The following SETX variants were observed in gnomAD, a reference collection of about 807,000 sequenced individuals.
The protein encoded by SETX is helicase senataxin.
SETX carries 90 observed loss-of-function variants against 227.2 expected under a neutral mutation model. That is an observed-to-expected ratio of 0.40 (90% CI 0.33 to 0.47). The LOEUF is 0.47. Among genes scored for constraint, SETX ranks in the 20% least tolerant of loss-of-function variants. SETX has a pLI of 0.91. For synonymous variants in SETX, 1,210 were observed against 1,113.2 expected (o/e 1.09, Z -1.73); for missense variants, 3,052 against 3,181.5 (o/e 0.96, Z 0.98).
At chr9:132,330,704 T>C (rs554527379) in intron 9 of SETX, among the ~76,000 whole-genome samples, 4 of 152,212 alleles carry the variant, frequency 2.6e-5, no homozygotes, top group Admixed American at 1.3e-4. Context: ...AAAATATAAA[T>C]TGAATTTTGA....
chr9:132,297,066 A>T lies in SETX; in HGVS notation c.5782-12T>A. The T allele has an allele frequency of 6.2e-7, 1 of 1,603,958 alleles. No homozygotes were observed. The highest frequency in any genetic ancestry group is 8.5e-7 in the Non-Finnish European group (1 of 1,173,706). On this transcript the variant is annotated splice_polypyrimidine_tract_variant and intron_variant, in intron 13 of 25. Coordinates refer to ENST00000224140, the MANE Select transcript of SETX (RefSeq NM_015046.7). ...CTTAAGTACGCAATCTATATAAAAA[A>T]CACATTTTTGAGAATGAGTTGCTGT...
intron 9 of SETX, 119 bp downstream of exon 9, chr9:132,330,933 T>A (rs1045860117): frequency 1.3e-6 from 1 of 796,926 alleles, no homozygotes; most frequent in Non-Finnish European, 2.2e-6. Context: ...GGCTTTTACA[T>A]AGCAGTAGAT....
At chr9:132,277,927 T>C (rs990879516) in intron 21 of SETX, 143 bp downstream of exon 21, 11 of 781,478 alleles carry the variant, frequency 1.4e-5, no homozygotes, top group African/African-American at 1.2e-4. Context: ...TTCAACATGA[T>C]GGCTATTATA....
At position 132,275,437 on chromosome 9, in the gene SETX, A is replaced by G; in HGVS notation, c.6936-17T>C. The G allele has an allele frequency of 6.3e-7, 1 of 1,587,768 alleles. No individual in the cohort carries two copies. Among genetic ancestry groups the G allele is most frequent in the Non-Finnish European group, 8.6e-7 (1 of 1,158,910 alleles). ...ATATATGAGCTAAACAAGATGGAAA[A>G]AGAAAACACAGTGTTATCAAAACTA... On this transcript the variant is annotated splice_polypyrimidine_tract_variant and intron_variant, in intron 22 of 25. Coordinates refer to ENST00000224140, the MANE Select transcript of SETX (RefSeq NM_015046.7).
intron 11 of SETX, among the ~76,000 whole-genome samples, chr9:132,305,757 T>C (rs1845298291): frequency 6.6e-6 from 1 of 152,224 alleles, no homozygotes; most frequent in Non-Finnish European, 1.5e-5. Flanking sequence ...CTAAGTGTCC[T>C]AGACTGAAGG....
intron 4 of SETX, among the ~76,000 whole-genome samples, chr9:132,344,927 C>T (rs908986656): frequency 3.3e-5 from 5 of 149,726 alleles, no homozygotes; most frequent in African/African-American, 1.2e-4. Context: ...AATGCCTTTA[C>T]TTTCAAGAGA....
chr9:132,296,825 A>T, intron 14 of SETX, 62 bp downstream of exon 14: 1 of 1,442,848 alleles, frequency 6.9e-7, no homozygotes, highest in Non-Finnish European at 9.8e-7. Context: ...CATGTCAGTT[A>T]ACTCAAGTAA....
At chr9:132,274,241 A>G (rs929241971) in intron 23 of SETX, among the ~76,000 whole-genome samples, 2 of 152,176 alleles carry the variant, frequency 1.3e-5, no homozygotes, top group African/African-American at 4.8e-5. Flanking sequence ...TTTTCTTGTG[A>G]TACTTTCCCT....
Position 132,328,558 on chromosome 9 carries a change from T to C in SETX, c.3040A>G (p.Ile1014Val), listed in dbSNP as rs761243379. Residue 1014 changes from isoleucine (I) to valine (V), a missense_variant, in exon 10 of 26, where the codon ATT becomes GTT. By Grantham distance (29) the Ile-to-Val change is conservative (BLOSUM62 3). Transcript: ENST00000224140. Reference sequence around the variant, plus strand: ...TCATCATCAGAATCTGAAATAATAATAACCTGTCCACGGGAGGTATCTCCA... The same window carrying C: ...TCATCATCAGAATCTGAAATAATAACAACCTGTCCACGGGAGGTATCTCCA... ...NVGDTSRGQV[I>V]IISDSDDDDD... 1.6e-5 allele frequency: 26 copies of C among 1,613,956 alleles called. No homozygotes were observed. Among genetic ancestry groups the C allele is most frequent in the South Asian group, 4.4e-5 (4 of 91,060 alleles).
chr9:132,282,866 C>G (rs890673937), intron 19 of SETX: 14 of 244,540 alleles, frequency 5.7e-5, no homozygotes, highest in African/African-American at 2.0e-4. Flanking sequence ...TTCTGACAAA[C>G]AGTACGTACC....
chr9:132,351,576 T>C (rs924093495), intron 2 of SETX, among the ~76,000 whole-genome samples: 1 of 152,192 alleles, frequency 6.6e-6, no homozygotes, highest in African/African-American at 2.4e-5. Context: ...CGGAGAATAC[T>C]GCTGCAGAGC....
intron 18 of SETX, among the ~76,000 whole-genome samples, chr9:132,284,526 T>C (rs1051973612): frequency 2.6e-5 from 4 of 152,210 alleles, no homozygotes; most frequent in African/African-American, 9.7e-5. Context: ...GTGGTTTGAT[T>C]AGGGCTGCAT....
Position 132,349,087 on chromosome 9 carries a change from G to A in SETX, c.177+165C>T, listed in dbSNP as rs557232344. The stretch of plus-strand genomic sequence containing the variant: ...TGCACTCCAGCCTGAGTGACAGAGT[G>A]AGACTCCATCTCTAACAACAACAAA... On this transcript the variant is annotated intron_variant, in intron 3 of 25. Coordinates refer to ENST00000224140, the MANE Select transcript of SETX (RefSeq NM_015046.7). 6.6e-5 allele frequency among the ~76,000 whole-genome samples: 10 copies of A among 151,408 alleles called. No individual in the cohort carries two copies. The South Asian group carries it at 1.9e-3, about 28-fold the overall frequency.
intron 15 of SETX, among the ~76,000 whole-genome samples, chr9:132,290,239 C>T (rs951250044): frequency 4.1e-5 from 6 of 146,642 alleles, no homozygotes; most frequent in East Asian, 2.3e-4. Context: ...CACCTTTATT[C>T]GTCTTTATTT....
At chr9:132,308,615 A>AT (rs1845468173) in intron 11 of SETX, among the ~76,000 whole-genome samples, 1 of 152,164 alleles carries the variant, frequency 6.6e-6, no homozygotes, top group South Asian at 2.1e-4. Flanking sequence ...TTAAGCTCTT[A>AT]TTTTTTAGAG....
At chr9:132,270,417 A>T (rs10793909) in intron 24 of SETX, among the ~76,000 whole-genome samples, 1 of 146,984 alleles carries the variant, frequency 6.8e-6, no homozygotes, top group Non-Finnish European at 1.5e-5. Flanking sequence ...GACACAGGTG[A>T]ACTCTAGAAT....
At chr9:132,315,396 A>T (rs1439977567) in intron 10 of SETX, among the ~76,000 whole-genome samples, 1 of 152,180 alleles carries the variant, frequency 6.6e-6, no homozygotes, top group Admixed American at 6.6e-5. Context: ...ACAAAAGTCT[A>T]AGGCAAACTC....
In SETX at chr9:132,294,034, A is replaced by G. The variant is rs555587116; in HGVS notation, c.6106+1838T>C. 6.6e-5 allele frequency among the ~76,000 whole-genome samples: 10 copies of G among 152,248 alleles called. No individual in the cohort carries two copies. The South Asian group carries it at 2.1e-3, about 32-fold the overall frequency. Reference sequence around the variant, plus strand: ...GTGAGACTCCGTCTCAAAAATAAATAAATAAATAAATAAATATCCAACCTA... The same window carrying G: ...GTGAGACTCCGTCTCAAAAATAAATGAATAAATAAATAAATATCCAACCTA... On this transcript the variant is annotated intron_variant, in intron 15 of 25. Coordinates refer to ENST00000224140, the MANE Select transcript of SETX (RefSeq NM_015046.7).
chr9:132,349,548 A>G, intron 2 of SETX, 113 bp from the exon 3 acceptor site: 1 of 1,049,634 alleles, frequency 9.5e-7, no homozygotes, highest in Non-Finnish European at 1.4e-6. Flanking sequence ...ATGTGTCACT[A>G]AAACCCAAAT....
Sources: gnomAD v4.1 joint callset for allele counts (sites outside exome capture counted in the v4.1 genomes callset) on GRCh38, gnomAD v4.1.1 for gene constraint, MANE v1.5 for transcripts, NCBI Gene and HGNC (gene_info 2026-07-23, HGNC 2026-07-21) for gene names.